Variants in TBL1X observed in about 807,000 individuals in gnomAD.
The protein encoded by TBL1X is transducin beta like 1 X-linked, also known as F-box-like/WD repeat-containing protein TBL1X.
In TBL1X, 10 loss-of-function variants were observed where a neutral mutation model predicts 50.7. The observed-to-expected ratio is 0.20, with a 90% CI of 0.12 to 0.33. The LOEUF (loss-of-function observed/expected upper bound fraction) is 0.33. Among genes scored for constraint, TBL1X ranks in the 10% least tolerant of loss-of-function variants. The pLI is 1.00. For synonymous variants in TBL1X, 190 were observed against 214.7 expected (o/e 0.88, Z 1.01); for missense variants, 340 against 504.4 (o/e 0.67, Z 3.12).
At chrX:9,549,619 C>T (rs939061837) in intron 2 of TBL1X, among the ~76,000 whole-genome samples, 1 of 111,647 alleles carries the variant, frequency 9.0e-6, no homozygotes, top group Non-Finnish European at 1.9e-5. Flanking sequence ...TGCAGAAGAC[C>T]GTGCATCCCA....
chrX:9,603,788 C>T (rs766090850), intron 2 of TBL1X, among the ~76,000 whole-genome samples: 2 of 111,282 alleles, frequency 1.8e-5, no homozygotes, highest in East Asian at 5.7e-4. Flanking sequence ...TCCGCAGGGC[C>T]CAGCTACCTC....
At chrX:9,523,960 CTTTTTTTTT>C (rs63038662) in intron 2 of TBL1X, among the ~76,000 whole-genome samples, 4 of 40,814 alleles carry the variant, frequency 9.8e-5, no homozygotes, top group African/African-American at 3.9e-4. Flanking sequence ...TCATTTTAAC[CTTTTTTTTT>C]TTTTTTTTTT....
Position 9,673,991 on chromosome X carries a change from G to A in TBL1X, c.212-10052G>A, listed in dbSNP as rs191255367. ...TGAGGCAGGAGAATCACTTGAACCC[G>A]GGAGGCAGAGGTTGCAGTGAGCTGA... is the stretch of plus-strand genomic sequence containing the variant. On this transcript the variant is annotated intron_variant, in intron 5 of 17. Transcript: ENST00000645353. 8.0e-5 allele frequency among the ~76,000 whole-genome samples: 9 copies of A among 111,956 alleles called. No homozygotes were observed. The East Asian group carries it at 2.2e-3, about 28-fold the overall frequency.
At chrX:9,486,597 C>T (rs770644712) in intron 1 of TBL1X, among the ~76,000 whole-genome samples, 1 of 107,700 alleles carries the variant, frequency 9.3e-6, no homozygotes, top group Non-Finnish European at 1.9e-5. Flanking sequence ...ACACCCCCCC[C>T]CCACGCCCCC....
Position 9,705,180 on chromosome X carries a change from G to A in TBL1X, c.1236+66G>A, listed in dbSNP as rs1247738665. The A allele has an allele frequency of 9.2e-6, 11 of 1,199,006 alleles. No individual in the cohort carries two copies. The African/African-American group carries it at 1.1e-4, about 11-fold the overall frequency. On this transcript the variant is annotated intron_variant, in intron 13 of 17. Coordinates refer to ENST00000645353, the MANE Select transcript of TBL1X (RefSeq NM_005647.4). The stretch of plus-strand genomic sequence containing the variant: ...ATGTGATGTGGGAGCCGATTCTTGT[G>A]TGCCTAGAATTAAAAGCTACTGCAG...
chrX:9,649,356 A>G (rs956223679), intron 3 of TBL1X, among the ~76,000 whole-genome samples: 1 of 112,450 alleles, frequency 8.9e-6, no homozygotes, highest in African/African-American at 3.2e-5. Context: ...TGGAGCAGTC[A>G]GTCTTACCAA....
chrX:9,535,840 A>G (rs1433375292), intron 2 of TBL1X, among the ~76,000 whole-genome samples: 1 of 112,328 alleles, frequency 8.9e-6, no homozygotes, highest in Non-Finnish European at 1.9e-5. Context: ...ACAGAGTGAC[A>G]TTTAACAAAT....
At chrX:9,500,101 A>G (rs148587203) in intron 1 of TBL1X, among the ~76,000 whole-genome samples, 4,123 of 108,126 alleles carry the variant, frequency 0.038, 96 homozygotes, top group Non-Finnish European at 0.057. Flanking sequence ...CATGGGCAAC[A>G]TAACAAGACC....
intron 2 of TBL1X, among the ~76,000 whole-genome samples, chrX:9,558,563 A>G (rs2082311309): frequency 9.0e-6 from 1 of 110,564 alleles, no homozygotes; most frequent in Admixed American, 9.7e-5. Context: ...TATGTATATA[A>G]AAATTGGTTT....
At chrX:9,670,789 G>T (rs982619670) in intron 5 of TBL1X, among the ~76,000 whole-genome samples, 1 of 112,196 alleles carries the variant, frequency 8.9e-6, no homozygotes, top group Non-Finnish European at 1.9e-5. Flanking sequence ...TTATTGTTCA[G>T]CTGAGTCTCT....
intron 2 of TBL1X, among the ~76,000 whole-genome samples, chrX:9,522,080 C>T (rs145957410): frequency 0.022 from 2,230 of 102,660 alleles, 79 homozygotes; most frequent in African/African-American, 0.078. Flanking sequence ...TGCAGGGTCG[C>T]GATCACTGCT....
At position 9,626,150 on chromosome X, in the gene TBL1X, T is replaced by C. The variant is rs2238868; in HGVS notation, c.-130-14123T>C. On this transcript the variant is annotated intron_variant, in intron 2 of 17. Transcript: ENST00000645353. ...CATGTAACACGAAGCATGACACGTG[T>C]CGCGTGTGTCTCTTTGTACCACAAT... 1.7e-4 allele frequency among the ~76,000 whole-genome samples: 19 copies of C among 111,178 alleles called. No homozygotes were observed. In the East Asian group the frequency reaches 5.1e-3, roughly 30 times the overall value.
chrX:9,568,359 G>A (rs999467308), intron 2 of TBL1X, among the ~76,000 whole-genome samples: 1 of 107,402 alleles, frequency 9.3e-6, no homozygotes. Flanking sequence ...GTCTGTGCAC[G>A]TGCTGTGCGG....
At chrX:9,568,842 G>A (rs775310807) in intron 2 of TBL1X, among the ~76,000 whole-genome samples, 18 of 109,942 alleles carry the variant, frequency 1.6e-4, no homozygotes, top group Admixed American at 6.7e-4. Flanking sequence ...TGTGCTGTGC[G>A]TGGCTGTGTG....
intron 2 of TBL1X, among the ~76,000 whole-genome samples, chrX:9,511,331 A>G (rs1001380498): frequency 1.8e-5 from 2 of 112,185 alleles, no homozygotes; most frequent in South Asian, 7.4e-4. Flanking sequence ...AATGTGTTTT[A>G]GGGAATGGCT....
At chrX:9,657,665 T>C (rs1276739060) in intron 5 of TBL1X, among the ~76,000 whole-genome samples, 1 of 112,639 alleles carries the variant, frequency 8.9e-6, no homozygotes, top group African/African-American at 3.2e-5. Flanking sequence ...TGTGGATTAG[T>C]GGATTTTCAT....
At chrX:9,623,730 T>C (rs1048175785) in intron 2 of TBL1X, among the ~76,000 whole-genome samples, 1 of 111,958 alleles carries the variant, frequency 8.9e-6, no homozygotes, top group South Asian at 3.7e-4. Context: ...CTGGTTAAAA[T>C]GATAAGGAGT....
At chrX:9,640,454 G>C (rs950590929) in intron 3 of TBL1X, 94 bp downstream of exon 3, 7 of 111,819 alleles carry the variant, frequency 6.3e-5, no homozygotes, top group Middle Eastern at 4.2e-3. Context: ...AACCCCTTCT[G>C]TTTTAAATGA....
At chrX:9,544,815 C>G (rs956889553) in intron 2 of TBL1X, among the ~76,000 whole-genome samples, 1 of 110,772 alleles carries the variant, frequency 9.0e-6, no homozygotes, top group Non-Finnish European at 1.9e-5. Context: ...ATCCACCTGC[C>G]TTGACCTCCC....
Sources: gnomAD v4.1 joint callset for allele counts (sites outside exome capture counted in the v4.1 genomes callset) on GRCh38, gnomAD v4.1.1 for gene constraint, MANE v1.5 for transcripts, NCBI Gene and HGNC (gene_info 2026-07-23, HGNC 2026-07-21) for gene names.